SYBU: variants seen among roughly 807,000 people sequenced by gnomAD.
SYBU encodes syntabulin.
A neutral mutation model predicts 35.9 loss-of-function variants in SYBU; 21 were observed. The ratio of observed to expected loss-of-function variants is 0.58; its 90% CI spans 0.41 to 0.84. The LOEUF (loss-of-function observed/expected upper bound fraction) is 0.84. Among genes scored for constraint, SYBU ranks in the 40% least tolerant of loss-of-function variants. The pLI is 0.00. For missense variants in SYBU, 768 were observed against 848.2 expected, an observed-to-expected ratio of 0.91 and a Z score of 1.17; for synonymous variants, 319 against 324.3, an observed-to-expected ratio of 0.98 and a Z score of 0.18.
At chr8:109,654,259 C>T (rs1190154077) in intron 1 of SYBU, among the ~76,000 whole-genome samples, 1 of 152,186 alleles carries the variant, frequency 6.6e-6, no homozygotes, top group African/African-American at 2.4e-5. Flanking sequence ...CTCCTTGAAC[C>T]AATCCCTACT....
At chr8:109,586,547 G>A (rs540530036) in intron 3 of SYBU, 1 of 163,926 alleles carries the variant, frequency 6.1e-6, no homozygotes, top group Non-Finnish European at 1.3e-5. Context: ...TCCAAGAGTA[G>A]TTTTTCCAAG....
At chr8:109,677,726 T>G (rs1279500876) in intron 1 of SYBU, among the ~76,000 whole-genome samples, 1 of 152,246 alleles carries the variant, frequency 6.6e-6, no homozygotes, top group Non-Finnish European at 1.5e-5. Flanking sequence ...AGTCACTTTT[T>G]CTACCTGAGC....
At position 109,617,386 on chromosome 8, in the gene SYBU, T is replaced by G. The variant is rs144135861; in HGVS notation, c.427+1456A>C. 2.6e-5 allele frequency among the ~76,000 whole-genome samples: 4 copies of G among 152,298 alleles called. No individual in the cohort carries two copies. The East Asian group carries it at 7.7e-4, about 29-fold the overall frequency. On this transcript the variant is annotated intron_variant, in intron 3 of 6. Transcript: ENST00000276646. ...TCTTTTTGGGAGTGATACAAACTTT[T>G]TGGAATTAGTAAATGGTGATGTTTG...
intron 1 of SYBU, among the ~76,000 whole-genome samples, chr8:109,667,988 G>A (rs375914225): frequency 1.4e-4 from 21 of 152,146 alleles, no homozygotes; most frequent in African/African-American, 5.1e-4. Context: ...GTGAGAGCTG[G>A]CGTGACACCA....
chr8:109,607,375 A>C (rs1409569736), intron 3 of SYBU, among the ~76,000 whole-genome samples: 1 of 152,232 alleles, frequency 6.6e-6, no homozygotes, highest in Non-Finnish European at 1.5e-5. Flanking sequence ...TTTCATGGTA[A>C]TCAGGCAGAC....
chr8:109,577,942 T>A lies in SYBU; in HGVS notation c.810A>T (p.Pro270=). 1.2e-6 allele frequency: 2 copies of A among 1,614,072 alleles called. No individual in the cohort carries two copies. Among genetic ancestry groups the A allele is most frequent in the Non-Finnish European group, 1.7e-6 (2 of 1,179,966 alleles). Residue 270 remains proline, a synonymous_variant, in exon 6 of 7, where the codon CCA becomes CCT. Coordinates refer to ENST00000276646, the MANE Select transcript of SYBU (RefSeq NM_001099754.2). ...RPPNPEQYLT[P]LQQKEVTVRH... ...TCACTGTCACCTCTTTCTGCTGCAG[T>A]GGAGTCAAATACTGCTCTGGGTTTG...
chr8:109,587,415 T>C (rs1425697880), intron 3 of SYBU, among the ~76,000 whole-genome samples: 1 of 152,216 alleles, frequency 6.6e-6, no homozygotes, highest in African/African-American at 2.4e-5. Flanking sequence ...TGTCTGAAGC[T>C]TATAGGTGAT....
chr8:109,655,857 G>A (rs1586961934), intron 1 of SYBU, among the ~76,000 whole-genome samples: 1 of 152,210 alleles, frequency 6.6e-6, no homozygotes, highest in East Asian at 1.9e-4. Flanking sequence ...GCTCACGCCT[G>A]TAATCCCAGC....
At chr8:109,583,983 T>A (rs113838724) in intron 4 of SYBU, among the ~76,000 whole-genome samples, 8,188 of 151,748 alleles carry the variant, frequency 0.054, 730 homozygotes, top group African/African-American at 0.19. Flanking sequence ...TAATTTTTTT[T>A]TTTTTTGTAT....
chr8:109,671,350 A>G (rs1816974122), intron 1 of SYBU, among the ~76,000 whole-genome samples: 1 of 152,162 alleles, frequency 6.6e-6, no homozygotes, highest in African/African-American at 2.4e-5. Context: ...AGATAGAAGG[A>G]GTATACACAC....
intron 3 of SYBU, among the ~76,000 whole-genome samples, chr8:109,603,906 A>G (rs1825805039): frequency 6.6e-6 from 1 of 152,216 alleles, no homozygotes; most frequent in South Asian, 2.1e-4. Context: ...TAAATCTTAA[A>G]GTGGAAGGTG....
At chr8:109,646,186 A>G (rs1481560220), upstream of SYBU, 2 of 151,408 alleles carry the variant, frequency 1.3e-5, no homozygotes, top group African/African-American at 4.9e-5. Context: ...ATAATGACTT[A>G]TATACCCTTT....
chr8:109,605,522 C>T (rs1448534542), intron 3 of SYBU, among the ~76,000 whole-genome samples: 2 of 152,074 alleles, frequency 1.3e-5, no homozygotes, highest in Non-Finnish European at 2.9e-5. Context: ...GCACATGCCA[C>T]GTTCTTTCCA....
At chr8:109,618,758 T>C in intron 3 of SYBU, 84 bp downstream of exon 3, 1 of 1,239,906 alleles carries the variant, frequency 8.1e-7, no homozygotes, top group Non-Finnish European at 1.2e-6. Flanking sequence ...GATCCCCGAC[T>C]CGATATACAG....
At chr8:109,589,371 A>G (rs965900521) in intron 3 of SYBU, among the ~76,000 whole-genome samples, 3 of 152,190 alleles carry the variant, frequency 2.0e-5, no homozygotes, top group Non-Finnish European at 4.4e-5. Context: ...TAAAGAATGA[A>G]TGTCATCCTC....
rs759235445 is a variant in SYBU at position 109,575,987 on chromosome 8, G to A, written c.911C>T (p.Ser304Phe). 6.2e-7 allele frequency: 1 copy of A among 1,600,424 alleles called. No homozygotes were observed. Residue 304 changes from serine to phenylalanine, a missense_variant, in exon 7 of 7, where the codon TCC becomes TTC. Transcript: ENST00000276646. ...ERESEIVELK[S>F]QLARMREDWI... ...GTCCTCTCGCATGCGGGCCAGCTGG[G>A]ACTTAAGCTCCACGATTTCACTTTC...
In SYBU at chr8:109,654,124, C is replaced by T. The variant is rs187245880; in HGVS notation, c.-129+26587G>A. ...GCATTTAAACATGCCAAAAACTTTT[C>T]CAGTGAAATAAATGACCATCCAAAG... On this transcript the variant is annotated intron_variant, in intron 1 of 5. Coordinates refer to the SYBU transcript ENST00000408889. Among the ~76,000 whole-genome samples, 17 of 152,202 alleles carry T rather than the reference C, an allele frequency of 1.1e-4. No individual in the cohort carries two copies. The East Asian group carries it at 3.1e-3, about 28-fold the overall frequency.
Position 109,575,509 on chromosome 8 carries a change from A to C in SYBU, c.1389T>G (p.Pro463=). The C allele has an allele frequency of 6.2e-7, 1 of 1,614,104 alleles. No individual in the cohort carries two copies. The highest frequency in any genetic ancestry group is 1.3e-5 in the African/African-American group (1 of 75,020). Residue 463 remains proline (P), a synonymous_variant, in exon 7 of 7, where the codon CCT becomes CCG. Coordinates refer to ENST00000276646, the MANE Select transcript of SYBU (RefSeq NM_001099754.2). ...SGDLELVHST[P]GANVLELLPI... is the part of the protein sequence containing the mutation. ...GCAGCAGCTCCAGGACGTTAGCCCCAGGGGTGGAATGCACAAGCTCCAGGT... is the reference window on the plus strand; with the variant it reads ...GCAGCAGCTCCAGGACGTTAGCCCCCGGGGTGGAATGCACAAGCTCCAGGT...
intron 1 of SYBU, among the ~76,000 whole-genome samples, chr8:109,652,104 A>G (rs1586956883): frequency 6.6e-6 from 1 of 152,216 alleles, no homozygotes; most frequent in African/African-American, 2.4e-5. Flanking sequence ...TGCTGCCTCA[A>G]GTGTCCCAAG....
Sources: allele counts gnomAD v4.1 joint callset (sites outside exome capture counted in the v4.1 genomes callset), GRCh38; gene constraint gnomAD v4.1.1; transcripts MANE v1.5; gene names NCBI Gene and HGNC (gene_info 2026-07-23, HGNC 2026-07-21).